Variants in UNC13C observed in about 807,000 individuals in gnomAD.
UNC13C encodes unc-13 homolog C, also known as protein unc-13 homolog C.
A neutral mutation model predicts 245.4 loss-of-function variants in UNC13C; 174 were observed. The ratio of observed to expected loss-of-function variants is 0.71; its 90% CI spans 0.63 to 0.80. UNC13C has a LOEUF of 0.80. Among genes scored for constraint, UNC13C ranks in the 30% least tolerant of loss-of-function variants. UNC13C has a pLI of 0.00. For synonymous variants in UNC13C, 992 were observed against 895.1 expected (o/e 1.11, Z -1.93); for missense variants, 2,829 against 2,602.9 (o/e 1.09, Z -1.89).
intron 7 of UNC13C, among the ~76,000 whole-genome samples, chr15:54,239,955 T>G (rs1479612297): frequency 6.6e-6 from 1 of 152,238 alleles, no homozygotes; most frequent in Non-Finnish European, 1.5e-5. Context: ...TTTCTTATGT[T>G]TTAAAACATG....
intron 2 of UNC13C, among the ~76,000 whole-genome samples, chr15:54,120,773 A>C (rs771722754): frequency 6.6e-6 from 1 of 151,852 alleles, no homozygotes; most frequent in African/African-American, 2.4e-5. Context: ...GTTGATTCCA[A>C]CCCTCATGGA....
chr15:54,198,745 T>A (rs2034435138), intron 4 of UNC13C, among the ~76,000 whole-genome samples: 1 of 151,944 alleles, frequency 6.6e-6, no homozygotes, highest in Admixed American at 6.6e-5. Context: ...TCTGACATAG[T>A]CCACCCAAAT....
At chr15:54,594,622 CA>C (rs1399243558) in intron 30 of UNC13C, among the ~76,000 whole-genome samples, 9 of 152,130 alleles carry the variant, frequency 5.9e-5, no homozygotes, top group African/African-American at 2.2e-4. Context: ...AGTCGACCGT[CA>C]CAGGCCTCAC....
chr15:54,222,864 A>G (rs2035268342), intron 4 of UNC13C, among the ~76,000 whole-genome samples: 1 of 152,116 alleles, frequency 6.6e-6, no homozygotes, highest in Non-Finnish European at 1.5e-5. Context: ...GCACATTTTC[A>G]TATACCTTCT....
intron 1 of UNC13C, among the ~76,000 whole-genome samples, chr15:53,981,036 A>C (rs1427295285): frequency 4.6e-5 from 7 of 152,222 alleles, no homozygotes; most frequent in African/African-American, 1.7e-4. Flanking sequence ...GAGGAAGGTC[A>C]GTGCAGAAGA....
chr15:54,474,762 G>A (rs573261928), intron 19 of UNC13C, among the ~76,000 whole-genome samples: 4 of 151,836 alleles, frequency 2.6e-5, no homozygotes, highest in African/African-American at 9.7e-5. Context: ...TGTCTTTTTG[G>A]CTTATGTTTC....
chr15:54,291,437 G>A (rs2037295940), intron 10 of UNC13C, among the ~76,000 whole-genome samples: 1 of 151,812 alleles, frequency 6.6e-6, no homozygotes, highest in Non-Finnish European at 1.5e-5. Context: ...AATGTAAAAG[G>A]GATTTTATTT....
intron 4 of UNC13C, among the ~76,000 whole-genome samples, chr15:54,193,836 C>G (rs1337747369): frequency 6.6e-6 from 1 of 152,118 alleles, no homozygotes; most frequent in African/African-American, 2.4e-5. Flanking sequence ...ATTTATCACA[C>G]TGCTAGAGAG....
chr15:54,338,200 A>G (rs1439493285), intron 16 of UNC13C, among the ~76,000 whole-genome samples, 161 bp from the exon 17 acceptor site: 1 of 152,252 alleles, frequency 6.6e-6, no homozygotes, highest in Admixed American at 6.5e-5. Flanking sequence ...TATATCAGAA[A>G]GTTAAAATGT....
At chr15:54,154,091 T>C (rs2032639892) in intron 4 of UNC13C, among the ~76,000 whole-genome samples, 1 of 152,076 alleles carries the variant, frequency 6.6e-6, no homozygotes, top group African/African-American at 2.4e-5. Flanking sequence ...TAATAAATTA[T>C]ATATTGTTGT....
chr15:54,053,821 G>A (rs1051980639), intron 2 of UNC13C, among the ~76,000 whole-genome samples: 2 of 151,766 alleles, frequency 1.3e-5, no homozygotes, highest in African/African-American at 4.8e-5. Context: ...GGTAACCACC[G>A]TCTACTCTCT....
chr15:54,345,674 A>T (rs765824945), intron 17 of UNC13C, among the ~76,000 whole-genome samples: 4 of 152,186 alleles, frequency 2.6e-5, no homozygotes, highest in Non-Finnish European at 5.9e-5. Context: ...ATAGAACTTC[A>T]GTTACTTTTC....
intron 1 of UNC13C, among the ~76,000 whole-genome samples, chr15:54,010,094 G>T (rs1414737297): frequency 6.6e-6 from 1 of 152,088 alleles, no homozygotes; most frequent in Non-Finnish European, 1.5e-5. Flanking sequence ...TCCTTCTCTG[G>T]ATTGTGTAAG....
chr15:54,104,064 T>C (rs1900307542), intron 2 of UNC13C, among the ~76,000 whole-genome samples: 1 of 152,232 alleles, frequency 6.6e-6, no homozygotes, highest in Non-Finnish European at 1.5e-5. Flanking sequence ...TGTTAAGATA[T>C]TGTGTCGAGT....
chr15:54,202,264 G>A (rs562636037), intron 4 of UNC13C, among the ~76,000 whole-genome samples: 14 of 151,606 alleles, frequency 9.2e-5, no homozygotes, highest in African/African-American at 2.7e-4. Flanking sequence ...CTACAAATTC[G>A]ATACAATTCC....
intron 19 of UNC13C, among the ~76,000 whole-genome samples, chr15:54,470,945 A>AT (rs1011687937): frequency 2.6e-4 from 39 of 150,950 alleles, no homozygotes; most frequent in African/African-American, 9.2e-4. Context: ...ATATTTTCAA[A>AT]TTTTTTCATT....
intron 19 of UNC13C, among the ~76,000 whole-genome samples, chr15:54,435,381 T>C (rs1596371131): frequency 6.6e-6 from 1 of 152,150 alleles, no homozygotes; most frequent in East Asian, 1.9e-4. Flanking sequence ...ATATACACCA[T>C]GGAATACATA....
At chr15:54,632,516 A>G (rs1288982047), downstream of UNC13C, 1 of 152,224 alleles carries the variant, frequency 6.6e-6, no homozygotes, top group Non-Finnish European at 1.5e-5. Context: ...TAGAGGGTGT[A>G]AAGTTTGAGT....
At chr15:54,296,916 T>G (rs1005888961) in intron 11 of UNC13C, among the ~76,000 whole-genome samples, 2 of 152,230 alleles carry the variant, frequency 1.3e-5, no homozygotes, top group African/African-American at 4.8e-5. Flanking sequence ...GCTCAGTTTA[T>G]ACCGAACACG....
Sources: allele counts gnomAD v4.1 joint callset (sites outside exome capture counted in the v4.1 genomes callset), GRCh38; gene constraint gnomAD v4.1.1; transcripts MANE v1.5; gene names NCBI Gene and HGNC (gene_info 2026-07-23, HGNC 2026-07-21).